The following DAPK2 variants were observed in gnomAD, a reference collection of about 807,000 sequenced individuals.
The protein encoded by DAPK2 is death-associated protein kinase 2.
DAPK2 carries 35 observed loss-of-function variants against 44.1 expected under a neutral mutation model. The ratio of observed to expected loss-of-function variants is 0.79; its 90% CI spans 0.61 to 1.05. DAPK2 has a LOEUF of 1.05. Among genes scored for constraint, DAPK2 ranks in the 50% least tolerant of loss-of-function variants. The pLI, the probability that DAPK2 is intolerant of heterozygous loss-of-function variation, is 0.00. For missense variants in DAPK2, 453 were observed against 483.2 expected (o/e 0.94, Z 0.59); for synonymous variants, 174 against 182.6 (o/e 0.95, Z 0.38).
intron 3 of DAPK2, among the ~76,000 whole-genome samples, chr15:63,954,071 G>A (rs948429452): frequency 1.3e-5 from 2 of 152,036 alleles, no homozygotes; most frequent in African/African-American, 4.8e-5. Flanking sequence ...TTGTCAAATG[G>A]GTTGTTTGTA....
Position 63,939,510 on chromosome 15 carries a change from T to C in DAPK2, c.454-149A>G. 2.7e-6 allele frequency: 2 copies of C among 737,262 alleles called. No homozygotes were observed. The highest frequency in any genetic ancestry group is 2.0e-5 in the South Asian group (1 of 50,782). 45.7% of individuals were successfully genotyped at this position (737,262 alleles called of 1,614,324 possible). On this transcript the variant is annotated intron_variant, in intron 3 of 10. Coordinates refer to ENST00000261891, the Ensembl canonical transcript of DAPK2. This position sits in a 1 kb window ranked among gnomAD's most constrained non-coding sequence, Gnocchi z 4.3. ...AGGAGACTGAAACAGCATAAACTCT[T>C]CCTTGTTTTTGGTCCTCAGTCTTCT...
At chr15:63,919,351 C>T (rs1254075798) in intron 8 of DAPK2, 3 of 152,182 alleles carry the variant, frequency 2.0e-5, no homozygotes. Flanking sequence ...CAGCTCACGG[C>T]CAACTAAATG....
chr15:63,926,212 C>T (rs1398275870), intron 6 of DAPK2, 119 bp from the exon 8 acceptor site: 5 of 1,153,982 alleles, frequency 4.3e-6, no homozygotes, highest in African/African-American at 1.6e-5. Flanking sequence ...CCCAGCAACA[C>T]AGCCTGCCCC....
chr15:64,014,874 C>T (rs1223885225), intron 1 of DAPK2, among the ~76,000 whole-genome samples: 8 of 149,034 alleles, frequency 5.4e-5, no homozygotes, highest in African/African-American at 1.5e-4. Flanking sequence ...GAGCTGAAAT[C>T]GTGAAATAGA....
At chr15:63,972,360 C>G (rs759989542) in intron 2 of DAPK2, among the ~76,000 whole-genome samples, 5 of 152,156 alleles carry the variant, frequency 3.3e-5, no homozygotes, top group Non-Finnish European at 5.9e-5. Context: ...CTAGAAAAAG[C>G]CTACATTGCC....
intron 1 of DAPK2, among the ~76,000 whole-genome samples, chr15:63,999,012 G>A (rs1358924543): frequency 6.6e-6 from 1 of 152,068 alleles, no homozygotes; most frequent in African/African-American, 2.4e-5. Context: ...TGGAGGGCAG[G>A]GCTGTTTTGT....
chr15:64,000,035 A>G (rs1234329413), intron 1 of DAPK2, among the ~76,000 whole-genome samples: 1 of 152,108 alleles, frequency 6.6e-6, no homozygotes, highest in Non-Finnish European at 1.5e-5. Context: ...AGGTACTAGC[A>G]TTACAGGCAT....
At chr15:63,989,732 C>A (rs1459060010) in intron 1 of DAPK2, among the ~76,000 whole-genome samples, 1 of 152,124 alleles carries the variant, frequency 6.6e-6, no homozygotes, top group Non-Finnish European at 1.5e-5. Context: ...CGCTCTGTTG[C>A]CCAGGCTGGA....
chr15:63,964,388 T>C (rs2077993467), intron 3 of DAPK2, among the ~76,000 whole-genome samples: 1 of 152,220 alleles, frequency 6.6e-6, no homozygotes, highest in Non-Finnish European at 1.5e-5. Context: ...TCTTGACTTT[T>C]GGGAGTTTGA....
intron 1 of DAPK2, among the ~76,000 whole-genome samples, chr15:64,000,006 C>T (rs1349396155): frequency 2.0e-5 from 3 of 151,976 alleles, no homozygotes; most frequent in Non-Finnish European, 4.4e-5. Context: ...GGCTCAAACT[C>T]CTGGGGCTCA....
chr15:64,010,894 A>G (rs932537007), intron 1 of DAPK2, among the ~76,000 whole-genome samples: 1 of 152,162 alleles, frequency 6.6e-6, no homozygotes, highest in African/African-American at 2.4e-5. Context: ...CCGCATCACA[A>G]GAGGGTTCAC....
rs2079653046 is a variant in DAPK2, at chr15:64,020,538, A to C, written c.92+19632T>G. 6.6e-6 allele frequency among the ~76,000 whole-genome samples: 1 copy of C among 152,242 alleles called. No individual in the cohort carries two copies. Among genetic ancestry groups the C allele is most frequent in the Non-Finnish European group, 1.5e-5 (1 of 68,046 alleles). ...TTTTTATTAAGCACCAGCTATGGAA[A>C]GGTATCGCTTGCTTCACCAAAGCAG... On this transcript the variant is annotated intron_variant, in intron 1 of 10. Transcript: ENST00000261891. The surrounding 1 kb of genome is among the most constrained non-coding windows in gnomAD (Gnocchi z 4.5).
Position 63,926,189 on chromosome 15 carries a change from G to C in DAPK2, c.660-96C>G, listed in dbSNP as rs939166465. 4 of 1,404,092 alleles carry C rather than the reference G, an allele frequency of 2.8e-6. No individual in the cohort carries two copies. In the African/African-American group the frequency reaches 5.8e-5, roughly 20 times the overall value. The allele number at this position is 1,404,092 out of a possible 1,614,324, so 87.0% of individuals were successfully genotyped here. On this transcript the variant is annotated intron_variant, in intron 6 of 10. Coordinates refer to ENST00000261891, the Ensembl canonical transcript of DAPK2. ...AACCCTGCCCCATGACTGCTGCAGG[G>C]AGCTGGAAGGCTCCCAGCAACACAG...
Position 63,923,035 on chromosome 15 carries a change from C to T in DAPK2, c.858+1781G>A, listed in dbSNP as rs897201997. ...ATGACTCCACCTTGCGGAACTCATA[C>T]CTGAGCTGGGACAGGTCATGCCGGG... is the stretch of plus-strand genomic sequence containing the variant. On this transcript the variant is annotated intron_variant, in intron 8 of 10. Transcript: ENST00000261891. The surrounding 1 kb of genome is among the most constrained non-coding windows in gnomAD (Gnocchi z 4.2). 1.2e-5 allele frequency: 18 copies of T among 1,535,756 alleles called. No individual in the cohort carries two copies. The highest frequency in any genetic ancestry group is 1.7e-4 in the Middle Eastern group (1 of 6,006).
rs1254661351 is a variant in DAPK2 at position 63,966,334 on chromosome 15, C to G, written c.453+5089G>C. 6.6e-6 allele frequency among the ~76,000 whole-genome samples: 1 copy of G among 152,230 alleles called. No individual in the cohort carries two copies. Among genetic ancestry groups the G allele is most frequent in the African/African-American group, 2.4e-5 (1 of 41,450 alleles). ...GATGAAGTCCTCTTCACTTTTCCCT[C>G]TTTTCTCCTCAAGTGGAGGGAAGGA... On this transcript the variant is annotated intron_variant, in intron 3 of 10. Coordinates refer to ENST00000261891, the Ensembl canonical transcript of DAPK2. The surrounding 1 kb of genome is among the most constrained non-coding windows in gnomAD (Gnocchi z 5.5).
Position 63,980,295 on chromosome 15 carries a change from C to T in DAPK2, c.314+3238G>A, listed in dbSNP as rs972301814. On this transcript the variant is annotated intron_variant, in intron 2 of 10. Coordinates refer to ENST00000261891, the Ensembl canonical transcript of DAPK2. This position sits in a 1 kb window ranked among gnomAD's most constrained non-coding sequence, Gnocchi z 4.3. ...CATTTACCTGCCACATCCCCGCCAC[C>T]GACTCCTAGGGTTCTACAAACAGGA... 2.6e-5 allele frequency among the ~76,000 whole-genome samples: 4 copies of T among 152,190 alleles called. No homozygotes were observed. Among genetic ancestry groups the T allele is most frequent in the East Asian group, 1.9e-4 (1 of 5,202 alleles).
At chr15:63,922,748 C>T (rs1397970944) in intron 8 of DAPK2, 15 of 1,518,174 alleles carry the variant, frequency 9.9e-6, no homozygotes, top group Non-Finnish European at 1.3e-5. Flanking sequence ...GAGCTTCCAG[C>T]CTGCCAGAAA....
chr15:63,996,773 G>C (rs2078959249), intron 1 of DAPK2, among the ~76,000 whole-genome samples: 1 of 152,168 alleles, frequency 6.6e-6, no homozygotes, highest in South Asian at 2.1e-4. Context: ...GAAAGGCTTT[G>C]CCCAAGGGAG....
chr15:63,968,122 C>T (rs777567473), intron 3 of DAPK2, among the ~76,000 whole-genome samples: 20 of 152,232 alleles, frequency 1.3e-4, no homozygotes, highest in Non-Finnish European at 2.1e-4. Flanking sequence ...CCAGCTGGAT[C>T]TTAATTGCAT....
Sources: gnomAD v4.1 joint callset for allele counts (sites outside exome capture counted in the v4.1 genomes callset) on GRCh38, gnomAD v4.1.1 for gene constraint, Gnocchi (gnomAD v3.1) non-coding constraint, MANE v1.5 for transcripts, NCBI Gene and HGNC (gene_info 2026-07-23, HGNC 2026-07-21) for gene names.